Variants in PITRM1 observed in about 807,000 individuals in gnomAD.
PITRM1 encodes presequence protease, mitochondrial.
A neutral mutation model predicts 129.9 loss-of-function variants in PITRM1; 100 were observed. That is an observed-to-expected ratio of 0.77 (90% CI 0.65 to 0.91). PITRM1 has a LOEUF of 0.91. PITRM1 is among the 40% of genes least tolerant of loss of function. The probability of loss-of-function intolerance (pLI) is 0.00; values close to 1 mark genes in which losing one functional copy is unlikely to be tolerated. For missense variants in PITRM1, 1,471 were observed against 1,318.3 expected (o/e 1.12, Z -1.79); for synonymous variants, 591 against 508.8 (o/e 1.16, Z -2.17).
At chr10:3,172,798 G>T (rs1416547878), upstream of PITRM1, 5 of 1,471,768 alleles carry the variant, frequency 3.4e-6, no homozygotes, top group East Asian at 7.9e-5. Context: ...CCTGGCTGGC[G>T]AGGAACCCCC....
chr10:3,138,634 C>G, intron 25 of PITRM1: 1 of 609,740 alleles, frequency 1.6e-6, no homozygotes, highest in Non-Finnish European at 2.9e-6. Flanking sequence ...CCGGGCCGTG[C>G]CCACGTCCTC....
At chr10:3,150,794 C>T (rs548068855) in intron 15 of PITRM1, among the ~76,000 whole-genome samples, 3 of 152,266 alleles carry the variant, frequency 2.0e-5, no homozygotes, top group Admixed American at 6.5e-5. Flanking sequence ...TGCCAGGACA[C>T]GGCAGGGGGA....
chr10:3,154,815 T>G (rs1245203017), intron 14 of PITRM1, among the ~76,000 whole-genome samples: 2 of 152,112 alleles, frequency 1.3e-5, no homozygotes, highest in Non-Finnish European at 2.9e-5. Flanking sequence ...TCCCGTGGCC[T>G]CCTCCCTTCC....
intron 14 of PITRM1, among the ~76,000 whole-genome samples, chr10:3,151,887 C>A (rs1185659635): frequency 6.6e-6 from 1 of 152,030 alleles, no homozygotes; most frequent in Non-Finnish European, 1.5e-5. Context: ...GGGTGCAGAC[C>A]ACCATACCTG....
intron 15 of PITRM1, among the ~76,000 whole-genome samples, chr10:3,150,305 TCTCA>T (rs2132415350): frequency 6.6e-6 from 1 of 152,312 alleles, no homozygotes; most frequent in South Asian, 2.1e-4. Context: ...ACTGATTTAT[TCTCA>T]CTCTTAGCAA....
chr10:3,171,012 C>T (rs1013016615), intron 1 of PITRM1, among the ~76,000 whole-genome samples: 61 of 151,886 alleles, frequency 4.0e-4, no homozygotes, highest in Non-Finnish European at 6.9e-4. Flanking sequence ...CTCTTGGTCT[C>T]TATCGTCCAC....
Position 3,160,408 on chromosome 10 carries a change from C to T in PITRM1, c.792-78G>A, listed in dbSNP as rs1228335580. The T allele has an allele frequency of 2.4e-6, 3 of 1,226,760 alleles. No individual in the cohort carries two copies. The Admixed American group carries it at 5.2e-5, about 21-fold the overall frequency. The allele number at this position is 1,226,760 out of a possible 1,614,324, so 76.0% of individuals were successfully genotyped here. On this transcript the variant is annotated intron_variant, in intron 7 of 26. Transcript: ENST00000224949. ...TCAAGTGCTGTCTGTTTCACTGAAA[C>T]ACAGCACAGGAGTGCCCCTTACCCA...
intron 3 of PITRM1, among the ~76,000 whole-genome samples, chr10:3,166,717 G>C (rs566940454): frequency 6.6e-6 from 1 of 152,220 alleles, no homozygotes; most frequent in African/African-American, 2.4e-5. Context: ...AGGATGGCTT[G>C]AAATGCAGCC....
chr10:3,160,049 T>A (rs1842319849), intron 8 of PITRM1, 113 bp from the exon 9 acceptor site: 2 of 1,243,298 alleles, frequency 1.6e-6, no homozygotes, highest in South Asian at 1.3e-5. Context: ...AAGTTAACTT[T>A]CCTTTCAAAC....
Position 3,137,771 on chromosome 10 carries a change from A to G in PITRM1, c.*260T>C, listed in dbSNP as rs1839679841. The G allele has an allele frequency of 2.1e-6, 1 of 485,922 alleles. No homozygotes were observed. The highest frequency in any genetic ancestry group is 2.1e-5 in the South Asian group (1 of 47,682). 30.1% of individuals were successfully genotyped at this position (485,922 alleles called of 1,614,324 possible). On this transcript the variant is annotated 3_prime_UTR_variant, in exon 27 of 27. Coordinates refer to ENST00000224949, the MANE Select transcript of PITRM1 (RefSeq NM_014889.4). Reference sequence around the variant, plus strand: ...TTATTTTTAGATTCTTAAATATTCTAGAATGAGGTAAAACGAGCCTGCCAG... The same window carrying G: ...TTATTTTTAGATTCTTAAATATTCTGGAATGAGGTAAAACGAGCCTGCCAG...
chr10:3,150,051 A>G (rs1841348471), intron 15 of PITRM1, among the ~76,000 whole-genome samples: 1 of 152,056 alleles, frequency 6.6e-6, no homozygotes, highest in Non-Finnish European at 1.5e-5. Flanking sequence ...GGGAACTCTG[A>G]CCAGGTGCCC....
intron 2 of PITRM1, among the ~76,000 whole-genome samples, chr10:3,169,616 C>A (rs1416860536): frequency 2.0e-5 from 3 of 152,180 alleles, no homozygotes; most frequent in Non-Finnish European, 2.9e-5. Flanking sequence ...AATAACAAAA[C>A]AAAAACCAAA....
chr10:3,160,467 C>G (rs555132640), intron 7 of PITRM1, 137 bp from the exon 8 acceptor site: 3 of 661,512 alleles, frequency 4.5e-6, no homozygotes, highest in Non-Finnish European at 7.8e-6. Context: ...CACCCTTACT[C>G]AACCAAGGTC....
intron 15 of PITRM1, among the ~76,000 whole-genome samples, chr10:3,150,402 C>CCACA (rs111644662): frequency 6.6e-6 from 1 of 151,576 alleles, no homozygotes; most frequent in Admixed American, 6.6e-5. Flanking sequence ...TCACATGCGC[C>CCACA]CACACACACA....
At chr10:3,142,177 G>C (rs1015383808) in intron 23 of PITRM1, among the ~76,000 whole-genome samples, 5 of 152,246 alleles carry the variant, frequency 3.3e-5, no homozygotes, top group African/African-American at 1.2e-4. Context: ...ATAGCAGACA[G>C]ATCTGTTCAT....
At chr10:3,158,727 C>T (rs780616914) in intron 10 of PITRM1, among the ~76,000 whole-genome samples, 187 bp downstream of exon 10, 5 of 152,150 alleles carry the variant, frequency 3.3e-5, no homozygotes, top group Admixed American at 6.5e-5. Context: ...CTGATGGGGG[C>T]GGCCATCCTG....
chr10:3,146,677 C>T (rs1323294052), intron 20 of PITRM1: 1 of 154,186 alleles, frequency 6.5e-6, no homozygotes, highest in Non-Finnish European at 1.4e-5. Flanking sequence ...CTGATGAATA[C>T]ATCAATGTCA....
At chr10:3,153,389 TTAA>T (rs1370309631) in intron 14 of PITRM1, among the ~76,000 whole-genome samples, 1 of 152,070 alleles carries the variant, frequency 6.6e-6, no homozygotes, top group Non-Finnish European at 1.5e-5. Context: ...AAAACAGAGC[TTAA>T]TAAGGGGGGA....
chr10:3,149,789 C>T, intron 15 of PITRM1, 36 bp from the exon 16 acceptor site: 1 of 1,609,450 alleles, frequency 6.2e-7, no homozygotes, highest in Non-Finnish European at 8.5e-7. Flanking sequence ...TTTATTGCTG[C>T]CAGTAAAATT....
Sources: allele counts gnomAD v4.1 joint callset (sites outside exome capture counted in the v4.1 genomes callset), GRCh38; gene constraint gnomAD v4.1.1; transcripts MANE v1.5; gene names NCBI Gene and HGNC (gene_info 2026-07-23, HGNC 2026-07-21).